SCN2A: variants seen among roughly 807,000 people sequenced by gnomAD.
SCN2A encodes sodium voltage-gated channel alpha subunit 2.
A neutral mutation model predicts 188.7 loss-of-function variants in SCN2A; 20 were observed. That is an observed-to-expected ratio of 0.11 (90% CI 0.07 to 0.15). The LOEUF is 0.15. Ranked by LOEUF, SCN2A falls within the 10% of genes least tolerant of loss-of-function variation. SCN2A has a pLI of 1.00. For synonymous variants in SCN2A, 804 were observed against 833.1 expected (o/e 0.97, Z 0.60); for missense variants, 1,278 against 2,445.0 (o/e 0.52, Z 10.07).
chr2:165,282,710 G>A (rs761118595), intron 1 of SCN2A, among the ~76,000 whole-genome samples: 5 of 152,110 alleles, frequency 3.3e-5, no homozygotes, highest in Admixed American at 6.6e-5. Flanking sequence ...GGCACTACTC[G>A]CAGCTGGGGC....
At chr2:165,332,796 A>G (rs952246081) in intron 14 of SCN2A, among the ~76,000 whole-genome samples, 8 of 152,136 alleles carry the variant, frequency 5.3e-5, no homozygotes, top group Admixed American at 4.6e-4. Context: ...AATAAAGGGA[A>G]TTCATTACCT....
In SCN2A at chr2:165,313,746, A is replaced by G. The variant is rs750562463; in HGVS notation, c.1161A>G (p.Glu387=). 1.2e-6 allele frequency: 2 copies of G among 1,613,714 alleles called. No individual in the cohort carries two copies. The highest frequency in any genetic ancestry group is 1.7e-6 in the Non-Finnish European group (2 of 1,179,690). Residue 387 remains glutamate, a synonymous_variant, in exon 9 of 27, where the codon GAA becomes GAG. Coordinates refer to ENST00000375437, the MANE Select transcript of SCN2A (RefSeq NM_001040142.2). The stretch of plus-strand genomic sequence containing the variant: ...GTCTCATGACTCAAGACTTCTGGGA[A>G]AACCTTTATCAACTGGTGAGAACAG... ...LFRLMTQDFW[E]NLYQLTLRAA... is the part of the protein sequence containing the mutation.
intron 19 of SCN2A, among the ~76,000 whole-genome samples, chr2:165,369,802 AC>A (rs1397043307): frequency 6.6e-6 from 1 of 152,144 alleles, no homozygotes; most frequent in Non-Finnish European, 1.5e-5. Context: ...TTGAGTCTGC[AC>A]TGAATGAGAC....
At chr2:165,293,983 A>T in intron 1 of SCN2A, 2 of 444,180 alleles carry the variant, frequency 4.5e-6, no homozygotes, top group Non-Finnish European at 5.8e-6. Flanking sequence ...TTTTACAGGA[A>T]GTTAGGTGTG....
In SCN2A at chr2:165,389,530, T is replaced by C; in HGVS notation, c.5724T>C (p.Ser1908=). Residue 1908 remains serine, a synonymous_variant, in exon 27 of 27, where the codon TCT becomes TCC. Coordinates refer to ENST00000375437, the MANE Select transcript of SCN2A (RefSeq NM_001040142.2). This position sits in a 1 kb window ranked among gnomAD's most constrained non-coding sequence, Gnocchi z 4.2. ...TTLKRKQEEV[S]AIIIQRAYRR... ...TGAAACGCAAACAAGAGGAGGTGTC[T>C]GCTATTATTATCCAGAGGGCTTACA... 1 of 1,613,960 alleles carries C rather than the reference T, an allele frequency of 6.2e-7. No homozygotes were observed.
intron 17 of SCN2A, among the ~76,000 whole-genome samples, chr2:165,358,893 G>T (rs1327060369): frequency 3.9e-5 from 6 of 151,954 alleles, no homozygotes; most frequent in African/African-American, 1.4e-4. Flanking sequence ...TCCATTAGTC[G>T]ACCTTCATTT....
At chr2:165,272,273 C>G (rs1226617350) in intron 1 of SCN2A, 2 of 151,798 alleles carry the variant, frequency 1.3e-5, no homozygotes, top group East Asian at 3.9e-4. Context: ...TAAAAATGGT[C>G]ATTTTATTGG....
chr2:165,291,532 C>T lies in SCN2A; in HGVS notation c.-51-4241C>T, dbSNP rs1319525824. 1.4e-3 allele frequency among the ~76,000 whole-genome samples: 59 copies of T among 41,074 alleles called. 2 individuals carry two copies. The highest frequency in any genetic ancestry group is 6.9e-3 in the Middle Eastern group (1 of 144). The allele number at this position is 41,074 out of a possible 152,430, so 26.9% of individuals were successfully genotyped here. On this transcript the variant is annotated intron_variant, in intron 1 of 26. Transcript: ENST00000375437. ...CTTTCTTCCTCTCCTTTCTTTCCTTCCTTCCTTCCTTCCTTCCTTCCTTCC... is the reference window on the plus strand; with the variant it reads ...CTTTCTTCCTCTCCTTTCTTTCCTTTCTTCCTTCCTTCCTTCCTTCCTTCC...
intron 1 of SCN2A, among the ~76,000 whole-genome samples, chr2:165,242,544 A>G (rs1693668134): frequency 6.6e-6 from 1 of 152,166 alleles, no homozygotes; most frequent in African/African-American, 2.4e-5. Context: ...TGAATGGCAG[A>G]GACAGGGGCT....
intron 1 of SCN2A, among the ~76,000 whole-genome samples, chr2:165,258,769 T>C (rs937501571): frequency 6.6e-6 from 1 of 152,194 alleles, no homozygotes; most frequent in Non-Finnish European, 1.5e-5. Context: ...GATTATAAGA[T>C]TATGTCCTCT....
At chr2:165,380,858 A>G (rs1433590218) in intron 24 of SCN2A, 129 bp downstream of exon 24, 9 of 827,278 alleles carry the variant, frequency 1.1e-5, no homozygotes, top group Admixed American at 2.7e-5. Flanking sequence ...GAGACATTTG[A>G]TAATCGATAA....
chr2:165,388,852 T>C lies in SCN2A; in HGVS notation c.5046T>C (p.Phe1682=). Residue 1682 remains phenylalanine (F), a synonymous_variant, in exon 27 of 27, where the codon TTT becomes TTC. Transcript: ENST00000375437. ...ACGCCATCTTTGGGATGTCCAATTT[T>C]GCCTATGTTAAGAGGGAAGTTGGGA... ...FIYAIFGMSN[F]AYVKREVGID... is the part of the protein sequence containing the mutation. 1 of 1,614,124 alleles carries C rather than the reference T, an allele frequency of 6.2e-7. No homozygotes were observed.
chr2:165,309,766 A>C (rs3769934), intron 6 of SCN2A, among the ~76,000 whole-genome samples: 32,910 of 152,118 alleles, frequency 0.22, 3,972 homozygotes, highest in Non-Finnish European at 0.27. Flanking sequence ...CAAATTTGAC[A>C]GTTTAGGCCT....
intron 2 of SCN2A, 133 bp downstream of exon 2, chr2:165,296,223 C>T (rs1696503289): frequency 2.4e-6 from 2 of 850,798 alleles, no homozygotes; most frequent in African/African-American, 3.3e-5. Context: ...ATGGGCCTGA[C>T]CGTGTAATGG....
intron 1 of SCN2A, among the ~76,000 whole-genome samples, chr2:165,283,739 C>T (rs1695692346): frequency 6.6e-6 from 1 of 152,162 alleles, no homozygotes; most frequent in Non-Finnish European, 1.5e-5. Flanking sequence ...TAACTTGTAG[C>T]TCAGTGGTGC....
chr2:165,279,760 T>C (rs767410731), intron 1 of SCN2A, among the ~76,000 whole-genome samples: 1 of 151,826 alleles, frequency 6.6e-6, no homozygotes, highest in South Asian at 2.1e-4. Context: ...AGGAGGGAGA[T>C]AGATGACATT....
chr2:165,264,319 G>A (rs1273864772), intron 1 of SCN2A, among the ~76,000 whole-genome samples: 1 of 152,044 alleles, frequency 6.6e-6, no homozygotes, highest in Non-Finnish European at 1.5e-5. Flanking sequence ...CAATAAATGT[G>A]ATACACTGCA....
intron 1 of SCN2A, among the ~76,000 whole-genome samples, chr2:165,248,924 G>A (rs1693975053): frequency 6.6e-6 from 1 of 152,064 alleles, no homozygotes; most frequent in Non-Finnish European, 1.5e-5. Flanking sequence ...ATTTACAAAT[G>A]ACCCAGTGCA....
In SCN2A at chr2:165,333,051, A is replaced by G. The variant is rs73023789; in HGVS notation, c.2388+1483A>G. Among the ~76,000 whole-genome samples, 1,411 of 152,116 alleles carry G rather than the reference A, an allele frequency of 9.3e-3. 21 individuals are homozygous for G. Among genetic ancestry groups the G allele is most frequent in the African/African-American group, 0.031 (1,271 of 41,544 alleles). ...GCTTTAATTAAGGCCCACAAATTGA[A>G]TATCATTGACCTGGTTGGAGTTACA... is the stretch of plus-strand genomic sequence containing the variant. On this transcript the variant is annotated intron_variant, in intron 14 of 26. Transcript: ENST00000375437.
Sources: allele counts gnomAD v4.1 joint callset (sites outside exome capture counted in the v4.1 genomes callset), GRCh38; gene constraint gnomAD v4.1.1; non-coding constraint Gnocchi (gnomAD v3.1); transcripts MANE v1.5; gene names NCBI Gene and HGNC (gene_info 2026-07-23, HGNC 2026-07-21).